The following CELF4 variants were observed in gnomAD, a reference collection of about 807,000 sequenced individuals.
CELF4 encodes the protein CUGBP Elav-like family member 4, also known as CUG-BP- and ETR-3-like factor 4.
Under a neutral mutation model 59.9 loss-of-function variants are expected in CELF4, and 18 were observed. The observed-to-expected ratio is 0.30, with a 90% CI of 0.21 to 0.45. The LOEUF is 0.45. CELF4 is among the 20% of genes least tolerant of loss of function. CELF4 has a pLI of 1.00. For synonymous variants in CELF4, 261 were observed against 267.1 expected, an observed-to-expected ratio of 0.98 and a Z score of 0.22; for missense variants, 456 against 689.0, an observed-to-expected ratio of 0.66 and a Z score of 3.79.
chr18:37,310,113 T>C (rs1359926282), intron 3 of CELF4, among the ~76,000 whole-genome samples: 1 of 152,016 alleles, frequency 6.6e-6, no homozygotes, highest in African/African-American at 2.4e-5. Flanking sequence ...TCAACAGCTG[T>C]CATCAAGGAA....
At chr18:37,374,382 G>A (rs552918755) in intron 2 of CELF4, among the ~76,000 whole-genome samples, 6 of 152,232 alleles carry the variant, frequency 3.9e-5, no homozygotes, top group South Asian at 2.1e-4. Flanking sequence ...TCTGACATCC[G>A]GCTCCGAACT....
chr18:37,298,784 C>A (rs987600577), intron 3 of CELF4, among the ~76,000 whole-genome samples: 36 of 152,180 alleles, frequency 2.4e-4, no homozygotes, highest in African/African-American at 7.7e-4. Context: ...TAGGATCCTC[C>A]CCTTCTCTCC....
At position 37,353,233 on chromosome 18, in the gene CELF4, A is replaced by AAAAAAAATATATAT. The variant is rs71168258; in HGVS notation, c.370-31353_370-31352insATATATATTTTTTT. On this transcript the variant is annotated intron_variant, in intron 2 of 12. Coordinates refer to ENST00000420428, the MANE Select transcript of CELF4 (RefSeq NM_020180.4). The stretch of plus-strand genomic sequence containing the variant: ...GAGACTCCGTCTCAAAAAAAAAAAA[A>AAAAAAAATATATAT]ATATATATATATATATACATAAAAG... Among the ~76,000 whole-genome samples, 5 of 106,988 alleles carry AAAAAAAATATATAT rather than the reference A, an allele frequency of 4.7e-5. No homozygotes were observed. In the East Asian group the frequency reaches 8.4e-4, roughly 18 times the overall value. The allele number at this position is 106,988 out of a possible 152,430, so 70.2% of individuals were successfully genotyped here. A position where few individuals can be genotyped will look rare whatever the true frequency, so the allele number is the denominator to read the frequency against.
chr18:37,521,344 C>T (rs2099957181), intron 1 of CELF4, among the ~76,000 whole-genome samples: 1 of 152,106 alleles, frequency 6.6e-6, no homozygotes, highest in African/African-American at 2.4e-5. Context: ...GCCCTCCACC[C>T]CAAGTCCCCA....
At chr18:37,295,994 A>G (rs866035604) in intron 3 of CELF4, among the ~76,000 whole-genome samples, 7 of 152,274 alleles carry the variant, frequency 4.6e-5, no homozygotes, top group South Asian at 2.1e-4. Context: ...GGAGCTCTGA[A>G]GTCCTCGGCA....
chr18:37,508,526 A>AC (rs933926260), intron 1 of CELF4, among the ~76,000 whole-genome samples: 17 of 152,024 alleles, frequency 1.1e-4, no homozygotes, highest in South Asian at 4.2e-4. Flanking sequence ...ATGGAGAGGC[A>AC]CCCCCCTCAC....
chr18:37,536,855 TC>T (rs35352630), intron 1 of CELF4, among the ~76,000 whole-genome samples: 1 of 152,118 alleles, frequency 6.6e-6, no homozygotes, highest in Non-Finnish European at 1.5e-5. Flanking sequence ...GGAGGACACC[TC>T]CCAGTGATGT....
At chr18:37,300,066 T>C (rs1172802114) in intron 3 of CELF4, among the ~76,000 whole-genome samples, 2 of 152,198 alleles carry the variant, frequency 1.3e-5, no homozygotes, top group East Asian at 3.9e-4. Flanking sequence ...CCCATGCTTC[T>C]TGAGGTTCCT....
At chr18:37,533,033 A>G (rs1047160091) in intron 1 of CELF4, among the ~76,000 whole-genome samples, 2 of 152,230 alleles carry the variant, frequency 1.3e-5, no homozygotes, top group East Asian at 1.9e-4. Context: ...GGTTGTTGCC[A>G]TTACTGTCTT....
At chr18:37,522,464 A>C (rs1032585052) in intron 1 of CELF4, among the ~76,000 whole-genome samples, 1 of 150,840 alleles carries the variant, frequency 6.6e-6, no homozygotes, top group African/African-American at 2.4e-5. Flanking sequence ...AATGTTGTCA[A>C]CTCTCCATTG....
intron 10 of CELF4, among the ~76,000 whole-genome samples, chr18:37,259,775 T>C (rs2073129484): frequency 6.6e-6 from 1 of 152,188 alleles, no homozygotes; most frequent in Non-Finnish European, 1.5e-5. Flanking sequence ...ATCCTCCCCC[T>C]GGCCTGCAGC....
chr18:37,309,321 CTCTCAT>C (rs2154484079), intron 3 of CELF4, among the ~76,000 whole-genome samples: 2 of 152,322 alleles, frequency 1.3e-5, no homozygotes, highest in African/African-American at 4.8e-5. Context: ...CTTCTCCAAG[CTCTCAT>C]TTTCCCCTCC....
chr18:37,359,263 G>A (rs910055041), intron 2 of CELF4, among the ~76,000 whole-genome samples: 1 of 152,176 alleles, frequency 6.6e-6, no homozygotes, highest in African/African-American at 2.4e-5. Context: ...GCCAAAGAAG[G>A]GCTGGTCAGT....
At chr18:37,498,419 T>C in intron 1 of CELF4, among the ~76,000 whole-genome samples, 2 of 132,308 alleles carry the variant, frequency 1.5e-5, no homozygotes, top group South Asian at 3.0e-4. Flanking sequence ...TCTTCCCTCT[T>C]CTCCCCTCCC....
intron 2 of CELF4, among the ~76,000 whole-genome samples, chr18:37,336,904 C>A (rs149595411): frequency 6.6e-6 from 1 of 152,150 alleles, no homozygotes; most frequent in Non-Finnish European, 1.5e-5. Flanking sequence ...CAACCCCCGG[C>A]GGGGCTGCCG....
chr18:37,384,520 C>G (rs529571446), intron 2 of CELF4, among the ~76,000 whole-genome samples: 1 of 152,008 alleles, frequency 6.6e-6, no homozygotes, highest in South Asian at 2.1e-4. Flanking sequence ...TGGAAAGCAC[C>G]GAGACTCAGC....
intron 6 of CELF4, chr18:37,274,089 A>G (rs948314809): frequency 7.2e-7 from 1 of 1,379,416 alleles, no homozygotes; most frequent in Non-Finnish European, 9.3e-7. Context: ...TAGAACTAAG[A>G]CAGCAGCCCA....
chr18:37,509,132 A>G (rs72891055), intron 1 of CELF4, among the ~76,000 whole-genome samples: 2,811 of 140,998 alleles, frequency 0.02, 47 homozygotes, highest in Middle Eastern at 0.033. Flanking sequence ...CACTTGTACA[A>G]AAATTAATTT....
At chr18:37,363,056 C>T (rs1163711404) in intron 2 of CELF4, among the ~76,000 whole-genome samples, 1 of 152,202 alleles carries the variant, frequency 6.6e-6, no homozygotes, top group East Asian at 1.9e-4. Context: ...TCTCTCTTCT[C>T]CCTCTCTGTC....
Sources: allele counts gnomAD v4.1 joint callset (sites outside exome capture counted in the v4.1 genomes callset), GRCh38; gene constraint gnomAD v4.1.1; transcripts MANE v1.5; gene names NCBI Gene and HGNC (gene_info 2026-07-23, HGNC 2026-07-21).